The following STON1 variants were observed in gnomAD, a reference collection of about 807,000 sequenced individuals.
The protein encoded by STON1 is stonin 1, also known as stonin-1.
Under a neutral mutation model 60.9 loss-of-function variants are expected in STON1, and 79 were observed. The ratio of observed to expected loss-of-function variants is 1.30; its 90% CI spans 1.08 to 1.56. STON1 has a LOEUF of 1.56. Among genes scored for constraint, STON1 ranks in the 40% most tolerant of loss-of-function variants. The pLI is 0.00. For synonymous variants in STON1, 363 were observed against 306.9 expected (o/e 1.18, Z -1.91); for missense variants, 1,166 against 858.9 (o/e 1.36, Z -4.47).
chr2:48,581,610 C>G lies in STON1; in HGVS notation c.977C>G (p.Pro326Arg), dbSNP rs574865815. The G allele has an allele frequency of 2.5e-6, 4 of 1,614,198 alleles. No homozygotes were observed. The African/African-American group carries it at 5.3e-5, about 22-fold the overall frequency. ...CCATTTAAAGAGATACAGCTTGATC[C>G]ATATTGTAGGCTTTCTGAACCCAAG... ...EKPFKEIQLDPYCRLSEPKVE... is the reference protein window; with the variant it reads ...EKPFKEIQLDRYCRLSEPKVE... The change falls in exon 2 of 4, where the codon CCA (proline) becomes CGA (arginine). Residue 326 changes from proline to arginine, a missense_variant. Coordinates refer to ENST00000404752, the MANE Select transcript of STON1 (RefSeq NM_006873.4).
intron 1 of STON1, among the ~76,000 whole-genome samples, chr2:48,539,050 T>C (rs1346864546): frequency 6.6e-6 from 1 of 152,106 alleles, no homozygotes; most frequent in Non-Finnish European, 1.5e-5. Context: ...CCCTAGTAGC[T>C]GAGACTACAG....
intron 3 of STON1, among the ~76,000 whole-genome samples, chr2:48,592,133 A>T (rs750626416): frequency 7.2e-5 from 11 of 152,194 alleles, no homozygotes; most frequent in Non-Finnish European, 1.3e-4. Flanking sequence ...AATAAAAATT[A>T]TGATGTTAGG....
In STON1 at chr2:48,595,320, G is replaced by C. The variant is rs1674737758; in HGVS notation, c.*18G>C. 2 of 1,602,146 alleles carry C rather than the reference G, an allele frequency of 1.2e-6. No homozygotes were observed. Among genetic ancestry groups the C allele is most frequent in the Non-Finnish European group, 1.7e-6 (2 of 1,169,372 alleles). On this transcript the variant is annotated 3_prime_UTR_variant, in exon 4 of 4. Coordinates refer to ENST00000404752, the MANE Select transcript of STON1 (RefSeq NM_006873.4). ...CTCAGTAGGAGTAGCAAGAGTTTAT[G>C]ATGACAGCCCACTTGTCAAATATGT...
At chr2:48,541,568 G>T (rs1224206809) in intron 1 of STON1, among the ~76,000 whole-genome samples, 1 of 147,694 alleles carries the variant, frequency 6.8e-6, no homozygotes, top group South Asian at 2.1e-4. Flanking sequence ...GCATGGTGGT[G>T]CACGCCTGTA....
intron 1 of STON1, among the ~76,000 whole-genome samples, chr2:48,546,001 C>T (rs949346718): frequency 6.6e-6 from 1 of 152,168 alleles, no homozygotes; most frequent in Non-Finnish European, 1.5e-5. Flanking sequence ...AAAAACAATT[C>T]TTTCTCTCCT....
At chr2:48,567,335 C>G (rs1363307305) in intron 1 of STON1, among the ~76,000 whole-genome samples, 3 of 152,202 alleles carry the variant, frequency 2.0e-5, no homozygotes. Context: ...ATTGTGTTTT[C>G]TGATGATTCC....
chr2:48,564,481 T>TCTTCTTCTTCTTCC (rs1298423504), intron 1 of STON1, among the ~76,000 whole-genome samples: 2 of 25,698 alleles, frequency 7.8e-5, no homozygotes, highest in Non-Finnish European at 1.6e-4. Context: ...TTCTTCTTCT[T>TCTTCTTCTTCTTCC]TCTTCTTCTT....
At chr2:48,549,511 T>A (rs1048639995) in intron 1 of STON1, among the ~76,000 whole-genome samples, 4 of 152,022 alleles carry the variant, frequency 2.6e-5, no homozygotes, top group African/African-American at 9.7e-5. Context: ...GGTTTGTCAG[T>A]GGTTCAAGAA....
intron 1 of STON1, among the ~76,000 whole-genome samples, chr2:48,533,829 G>C (rs1175439034): frequency 1.3e-5 from 2 of 148,440 alleles, no homozygotes; most frequent in Non-Finnish European, 3.0e-5. Flanking sequence ...GAGTGCAATG[G>C]CGTGATCTCA....
In STON1 at chr2:48,581,897, A is replaced by G. The variant is rs766421574; in HGVS notation, c.1264A>G (p.Asn422Asp). 3 of 1,614,016 alleles carry G rather than the reference A, an allele frequency of 1.9e-6. No homozygotes were observed. In the South Asian group the frequency reaches 3.3e-5, roughly 18 times the overall value. ...AGAAATTTCCTTGGAAATTGTGGAC[A>G]ACTTTTGGGGTAAAGTCACAAAAGA... is the stretch of plus-strand genomic sequence containing the variant. ...EQEISLEIVD[N>D]FWGKVTKEGK... Residue 422 changes from asparagine (N) to aspartate (D), a missense_variant, in exon 2 of 4, where the codon AAC becomes GAC. By Grantham distance (23) the Asn-to-Asp change is conservative (BLOSUM62 1). Coordinates refer to ENST00000404752, the MANE Select transcript of STON1 (RefSeq NM_006873.4).
In STON1 at chr2:48,596,747, T is replaced by G. The variant is rs990983359; in HGVS notation, c.*1445T>G. ...AACAGATTAAGACAAACATTTATGA[T>G]GGTCTGTATCAATCAGCAGATTTTA... is the stretch of plus-strand genomic sequence containing the variant. On this transcript the variant is annotated 3_prime_UTR_variant, in exon 4 of 4. Transcript: ENST00000404752. 1.3e-5 allele frequency: 2 copies of G among 152,228 alleles called. No homozygotes were observed. Among genetic ancestry groups the G allele is most frequent in the Non-Finnish European group, 2.9e-5 (2 of 68,040 alleles). The allele number at this position is 152,228 out of a possible 1,614,324, so 9.4% of individuals were successfully genotyped here.
At chr2:48,560,925 C>A (rs938182497) in intron 1 of STON1, among the ~76,000 whole-genome samples, 1 of 152,222 alleles carries the variant, frequency 6.6e-6, no homozygotes, top group African/African-American at 2.4e-5. Flanking sequence ...TGTCTCTGCT[C>A]TCTGCTGTTC....
At chr2:48,559,629 G>A (rs1021230228) in intron 1 of STON1, among the ~76,000 whole-genome samples, 1 of 152,194 alleles carries the variant, frequency 6.6e-6, no homozygotes, top group African/African-American at 2.4e-5. Context: ...TGAGAAGACA[G>A]AGGCTCAGGG....
At chr2:48,578,478 C>A (rs1673655617) in intron 1 of STON1, among the ~76,000 whole-genome samples, 1 of 150,350 alleles carries the variant, frequency 6.7e-6, no homozygotes. Flanking sequence ...TTGTGTGTGG[C>A]CCAACACAAT....
chr2:48,582,595 T>C, intron 2 of STON1, 32 bp downstream of exon 2: 1 of 1,586,234 alleles, frequency 6.3e-7, no homozygotes, highest in East Asian at 2.2e-5. Context: ...TTTATTTTCA[T>C]GGGAAATAGC....
At chr2:48,569,913 C>T (rs1046015079) in intron 1 of STON1, among the ~76,000 whole-genome samples, 3 of 152,128 alleles carry the variant, frequency 2.0e-5, no homozygotes, top group Non-Finnish European at 4.4e-5. Context: ...AATTTTGGAG[C>T]AATTCAGATT....
chr2:48,577,997 T>C (rs946890451), intron 1 of STON1, among the ~76,000 whole-genome samples: 4 of 150,554 alleles, frequency 2.7e-5, no homozygotes, highest in Non-Finnish European at 5.9e-5. Flanking sequence ...TATTTTTTTT[T>C]TGAGACGGAG....
intron 1 of STON1, among the ~76,000 whole-genome samples, chr2:48,532,437 CAAAA>C (rs10570049): frequency 7.0e-6 from 1 of 142,484 alleles, no homozygotes; most frequent in Non-Finnish European, 1.5e-5. Flanking sequence ...AAAGTAAGTC[CAAAA>C]AAAAAAAAAA....
At chr2:48,566,443 C>A (rs562060595) in intron 1 of STON1, among the ~76,000 whole-genome samples, 1 of 150,020 alleles carries the variant, frequency 6.7e-6, no homozygotes, top group African/African-American at 2.5e-5. Context: ...CCACCATGCC[C>A]GGCTAATTTT....
Sources: allele counts gnomAD v4.1 joint callset (sites outside exome capture counted in the v4.1 genomes callset), GRCh38; gene constraint gnomAD v4.1.1; transcripts MANE v1.5; gene names NCBI Gene and HGNC (gene_info 2026-07-23, HGNC 2026-07-21).